Variants in PPP1R13B observed in about 807,000 individuals in gnomAD.
PPP1R13B encodes the protein apoptosis-stimulating of p53 protein 1.
In PPP1R13B, 44 loss-of-function variants were observed where a neutral mutation model predicts 119.8. The ratio of observed to expected loss-of-function variants is 0.37; its 90% CI spans 0.29 to 0.47. The LOEUF (loss-of-function observed/expected upper bound fraction) is 0.47, where lower values mean the gene tolerates loss of function less well. PPP1R13B is among the 20% of genes least tolerant of loss of function. The pLI is 0.99. For synonymous variants in PPP1R13B, 542 were observed against 561.5 expected (o/e 0.97, Z 0.49); for missense variants, 1,227 against 1,413.5 (o/e 0.87, Z 2.12).
At position 103,763,101 on chromosome 14, in the gene PPP1R13B, G is replaced by A. The variant is rs1016469380; in HGVS notation, c.355-5350C>T. The A allele has an allele frequency of 1.6e-5, 14 of 856,364 alleles. No homozygotes were observed. In the East Asian group the frequency reaches 3.5e-4, roughly 21 times the overall value. The allele number at this position is 856,364 out of a possible 1,614,324, so 53.0% of individuals were successfully genotyped here. A position where few individuals can be genotyped will look rare whatever the true frequency, so the allele number is the denominator to read the frequency against. On this transcript the variant is annotated intron_variant, in intron 4 of 16. Transcript: ENST00000202556. Reference sequence around the variant, plus strand: ...GCACTTTGTGAAGGTTCCTGGGGTGGCCTGCAGCAGCTTTTCCCGCAGCTC... The same window carrying A: ...GCACTTTGTGAAGGTTCCTGGGGTGACCTGCAGCAGCTTTTCCCGCAGCTC...
chr14:103,814,613 T>G (rs2086234732), intron 1 of PPP1R13B, among the ~76,000 whole-genome samples: 1 of 152,012 alleles, frequency 6.6e-6, no homozygotes, highest in Non-Finnish European at 1.5e-5. Flanking sequence ...GAGATGAGCC[T>G]AAGCAACTTG....
intron 1 of PPP1R13B, among the ~76,000 whole-genome samples, chr14:103,817,648 CT>C (rs1220332024): frequency 4.0e-5 from 6 of 151,892 alleles, no homozygotes; most frequent in African/African-American, 1.5e-4. Context: ...CATTAAAGGA[CT>C]TTTACCATTT....
chr14:103,821,462 C>G (rs887772206), intron 1 of PPP1R13B, among the ~76,000 whole-genome samples: 3 of 152,140 alleles, frequency 2.0e-5, no homozygotes, highest in Non-Finnish European at 4.4e-5. Flanking sequence ...ATTATAAATA[C>G]AGAGGAGCAC....
At chr14:103,743,028 G>A (rs2084298843) in intron 9 of PPP1R13B, 3 of 579,924 alleles carry the variant, frequency 5.2e-6, no homozygotes, top group African/African-American at 1.9e-5. Context: ...CAAGGGACGG[G>A]CTCTGCTGGC....
rs2087081458 is a variant in PPP1R13B at position 103,847,482 on chromosome 14, G to A, written c.-175C>T. 4 of 986,582 alleles carry A rather than the reference G, an allele frequency of 4.1e-6. No individual in the cohort carries two copies. Among genetic ancestry groups the A allele is most frequent in the Non-Finnish European group, 4.8e-6 (4 of 831,796 alleles). 61.1% of individuals were successfully genotyped at this position (986,582 alleles called of 1,614,324 possible). On this transcript the variant is annotated 5_prime_UTR_variant, in exon 1 of 17. Coordinates refer to ENST00000202556, the MANE Select transcript of PPP1R13B (RefSeq NM_015316.3). Reference sequence around the variant, plus strand: ...GCGGGGCTCTCGCTGGCCCTGTCGCGGCCGCCGGCGCGCTGCGTCGCTGTC... The same window carrying A: ...GCGGGGCTCTCGCTGGCCCTGTCGCAGCCGCCGGCGCGCTGCGTCGCTGTC...
intron 1 of PPP1R13B, among the ~76,000 whole-genome samples, chr14:103,811,196 A>C (rs1017307107): frequency 6.6e-5 from 10 of 152,098 alleles, no homozygotes; most frequent in African/African-American, 2.4e-4. Context: ...AGCAGAACAA[A>C]CACTGAATTT....
intron 7 of PPP1R13B, among the ~76,000 whole-genome samples, chr14:103,752,575 C>T (rs1203260555): frequency 2.0e-5 from 3 of 146,852 alleles, no homozygotes; most frequent in Admixed American, 1.4e-4. Flanking sequence ...CACTCTGTCA[C>T]CCAGGCTGGA....
rs1455370741 is a variant in PPP1R13B at position 103,746,528 on chromosome 14, G to A, written c.995C>T (p.Ser332Leu). ...CGATGTGCTCAGAGGGGACTGTGGTGATGACGTGCCATTCACACGGTTCAG... is the reference window on the plus strand; with the variant it reads ...CGATGTGCTCAGAGGGGACTGTGGTAATGACGTGCCATTCACACGGTTCAG... ...IQLNRVNGTSSPQSPLSTSGR... is the reference protein window; with the variant it reads ...IQLNRVNGTSLPQSPLSTSGR... Residue 332 changes from serine (S) to leucine (L), a missense_variant, in exon 9 of 17, where the codon TCA becomes TTA. Physicochemically the swap from Ser to Leu is moderately radical, Grantham distance 145. Coordinates refer to ENST00000202556, the MANE Select transcript of PPP1R13B (RefSeq NM_015316.3). The A allele has an allele frequency of 6.2e-7, 1 of 1,603,312 alleles. No homozygotes were observed. The highest frequency in any genetic ancestry group is 8.5e-7 in the Non-Finnish European group (1 of 1,174,628).
intron 1 of PPP1R13B, among the ~76,000 whole-genome samples, chr14:103,822,966 G>C (rs1274064351): frequency 1.3e-5 from 2 of 152,150 alleles, no homozygotes; most frequent in Non-Finnish European, 2.9e-5. Context: ...CCTTGCTGGG[G>C]ATCAGAATCT....
chr14:103,845,508 C>T (rs1162507403), intron 1 of PPP1R13B, among the ~76,000 whole-genome samples: 3 of 151,786 alleles, frequency 2.0e-5, no homozygotes, highest in African/African-American at 4.8e-5. Context: ...TTGAGAAATC[C>T]GAAGAAATGC....
At chr14:103,824,178 TG>T (rs889241446) in intron 1 of PPP1R13B, among the ~76,000 whole-genome samples, 4 of 150,028 alleles carry the variant, frequency 2.7e-5, no homozygotes, top group Non-Finnish European at 5.9e-5. Flanking sequence ...CCCGAGTAGC[TG>T]GGACTACAGG....
At chr14:103,762,397 T>G (rs547625425) in intron 4 of PPP1R13B, among the ~76,000 whole-genome samples, 9 of 143,816 alleles carry the variant, frequency 6.3e-5, no homozygotes, top group African/African-American at 2.1e-4. Context: ...TCAGCCAAAT[T>G]ACTTCATTAT....
chr14:103,803,485 T>C (rs2085947276), intron 1 of PPP1R13B, among the ~76,000 whole-genome samples: 1 of 151,728 alleles, frequency 6.6e-6, no homozygotes, highest in Admixed American at 6.6e-5. Flanking sequence ...CTATTAAAAA[T>C]ACAAAAAATT....
chr14:103,762,669 T>C (rs2084836657), intron 4 of PPP1R13B: 3 of 531,882 alleles, frequency 5.6e-6, no homozygotes, highest in Non-Finnish European at 1.0e-5. Flanking sequence ...TCTGGAAGCC[T>C]GAAAAACGGG....
chr14:103,773,413 G>C (rs768152532), intron 4 of PPP1R13B, among the ~76,000 whole-genome samples: 1 of 151,958 alleles, frequency 6.6e-6, no homozygotes, highest in Admixed American at 6.6e-5. Context: ...AGCCCAATAG[G>C]GAAATTAAAA....
At chr14:103,833,900 C>A (rs2086714959) in intron 1 of PPP1R13B, among the ~76,000 whole-genome samples, 1 of 152,140 alleles carries the variant, frequency 6.6e-6, no homozygotes, top group African/African-American at 2.4e-5. Context: ...AATGGCTGAC[C>A]CAGCATGTAA....
chr14:103,793,761 C>G (rs1002684715), intron 2 of PPP1R13B, among the ~76,000 whole-genome samples: 8 of 152,212 alleles, frequency 5.3e-5, no homozygotes, highest in African/African-American at 1.9e-4. Flanking sequence ...ACCTTACTGA[C>G]TGCCATTAGA....
chr14:103,762,891 C>T, intron 4 of PPP1R13B: 1 of 996,552 alleles, frequency 1.0e-6, no homozygotes. Flanking sequence ...ACAGTGGAAT[C>T]AGAGCAAATT....
Position 103,738,639 on chromosome 14 carries a change from G to A in PPP1R13B, c.2864+40C>T. 2 of 1,607,668 alleles carry A rather than the reference G, an allele frequency of 1.2e-6. No homozygotes were observed. The highest frequency in any genetic ancestry group is 1.7e-6 in the Non-Finnish European group (2 of 1,174,702). On this transcript the variant is annotated intron_variant, in intron 14 of 16. Transcript: ENST00000202556. This position sits in a 1 kb window ranked among gnomAD's most constrained non-coding sequence, Gnocchi z 5.6. Reference sequence around the variant, plus strand: ...GCCTGTTTTCCTTATGCAAAGCAGGGAAAGTAAATCTGTCCACCCCACACT... The same window carrying A: ...GCCTGTTTTCCTTATGCAAAGCAGGAAAAGTAAATCTGTCCACCCCACACT...
Sources: gnomAD v4.1 joint callset for allele counts (sites outside exome capture counted in the v4.1 genomes callset) on GRCh38, gnomAD v4.1.1 for gene constraint, Gnocchi (gnomAD v3.1) non-coding constraint, MANE v1.5 for transcripts, NCBI Gene and HGNC (gene_info 2026-07-23, HGNC 2026-07-21) for gene names.